GSG1L: variants seen among roughly 807,000 people sequenced by gnomAD.
GSG1L encodes the protein germ cell-specific gene 1-like protein.
In GSG1L, 24 loss-of-function variants were observed where a neutral mutation model predicts 42.1. The observed-to-expected ratio is 0.57, with a 90% CI of 0.41 to 0.80. The LOEUF is 0.80. GSG1L is among the 30% of genes least tolerant of loss of function. GSG1L has a pLI of 0.00. For synonymous variants in GSG1L, 215 were observed against 203.5 expected (o/e 1.06, Z -0.48); for missense variants, 445 against 472.2 (o/e 0.94, Z 0.53).
intron 1 of GSG1L, among the ~76,000 whole-genome samples, chr16:27,997,309 CTTTTTTTT>C (rs34188570): frequency 2.8e-5 from 2 of 70,594 alleles, no homozygotes; most frequent in South Asian, 6.6e-4. Flanking sequence ...GTGTTCTCCA[CTTTTTTTT>C]TTTTTTTTTT....
intron 5 of GSG1L, among the ~76,000 whole-genome samples, chr16:27,822,893 C>T (rs924415528): frequency 1.3e-5 from 2 of 152,080 alleles, no homozygotes; most frequent in Admixed American, 1.3e-4. Context: ...CTAAGTGGTA[C>T]AGAGAGAGGT....
intron 1 of GSG1L, among the ~76,000 whole-genome samples, chr16:28,030,062 G>A (rs1313105397): frequency 6.6e-6 from 1 of 152,210 alleles, no homozygotes; most frequent in African/African-American, 2.4e-5. Flanking sequence ...CTTCAGAAGG[G>A]AACTGCTTGT....
chr16:27,796,353 C>T (rs899522921), intron 6 of GSG1L, among the ~76,000 whole-genome samples: 2 of 147,026 alleles, frequency 1.4e-5, no homozygotes, highest in African/African-American at 5.1e-5. Flanking sequence ...CTTTGGAAAC[C>T]TGTCAGCTAG....
At chr16:28,015,070 C>T (rs573895165) in intron 1 of GSG1L, among the ~76,000 whole-genome samples, 6 of 152,326 alleles carry the variant, frequency 3.9e-5, no homozygotes, top group Admixed American at 3.3e-4. Flanking sequence ...CAGTTGGTTA[C>T]ATCTGAGCTC....
chr16:27,992,033 C>CT (rs762523799), intron 1 of GSG1L, among the ~76,000 whole-genome samples: 2 of 152,160 alleles, frequency 1.3e-5, no homozygotes, highest in Non-Finnish European at 1.5e-5. Flanking sequence ...GAAGTGAAAC[C>CT]TCCATGATAA....
intron 1 of GSG1L, among the ~76,000 whole-genome samples, chr16:28,043,419 C>G (rs147474736): frequency 6.6e-6 from 1 of 152,116 alleles, no homozygotes; most frequent in Non-Finnish European, 1.5e-5. Context: ...GACGAACTTT[C>G]TAAACTATTT....
chr16:28,027,260 A>G (rs1215019282), intron 1 of GSG1L, among the ~76,000 whole-genome samples: 1 of 152,134 alleles, frequency 6.6e-6, no homozygotes, highest in Admixed American at 6.5e-5. Flanking sequence ...AAGCCAGCCA[A>G]TCAGAGTACT....
At chr16:27,895,462 T>G (rs1242046394) in intron 2 of GSG1L, among the ~76,000 whole-genome samples, 1 of 152,188 alleles carries the variant, frequency 6.6e-6, no homozygotes, top group Non-Finnish European at 1.5e-5. Flanking sequence ...CCGTGCAACA[T>G]TTTAAGACCC....
chr16:27,920,661 G>A (rs1394567713), intron 2 of GSG1L, among the ~76,000 whole-genome samples: 2 of 152,204 alleles, frequency 1.3e-5, no homozygotes, highest in Non-Finnish European at 2.9e-5. Context: ...TGTTCATCAC[G>A]GCATGCTCCT....
intron 2 of GSG1L, among the ~76,000 whole-genome samples, chr16:27,945,239 C>T (rs1391838566): frequency 1.3e-5 from 2 of 152,112 alleles, no homozygotes; most frequent in Non-Finnish European, 2.9e-5. Flanking sequence ...CTAAAAACCA[C>T]TGAATTATAC....
intron 6 of GSG1L, among the ~76,000 whole-genome samples, chr16:27,806,709 G>A (rs1453351107): frequency 1.3e-5 from 2 of 152,218 alleles, no homozygotes; most frequent in Non-Finnish European, 2.9e-5. Context: ...CTAAAGGTCT[G>A]AGAGAGGTGG....
intron 2 of GSG1L, among the ~76,000 whole-genome samples, chr16:27,898,377 G>T: frequency 8.6e-6 from 1 of 116,938 alleles, no homozygotes; most frequent in African/African-American, 3.3e-5. Context: ...GGTCTTCTTG[G>T]GCAAGTCCTC....
At chr16:27,845,173 G>A in intron 3 of GSG1L, 112 bp from the exon 4 acceptor site, 1 of 672,976 alleles carries the variant, frequency 1.5e-6, no homozygotes, top group Non-Finnish European at 2.6e-6. Flanking sequence ...TCACTGTGGA[G>A]AACAGGGACC....
At chr16:27,946,460 G>A (rs367604446) in intron 2 of GSG1L, among the ~76,000 whole-genome samples, 12 of 151,254 alleles carry the variant, frequency 7.9e-5, no homozygotes, top group African/African-American at 1.7e-4. Context: ...CAAAAGAATC[G>A]CTTGAGCCCA....
At chr16:27,981,903 T>A (rs1484048804) in intron 1 of GSG1L, among the ~76,000 whole-genome samples, 1 of 152,228 alleles carries the variant, frequency 6.6e-6, no homozygotes, top group Non-Finnish European at 1.5e-5. Context: ...AATTCAAGTC[T>A]CAGCTCTGCC....
chr16:28,033,081 C>A (rs1373680092), intron 1 of GSG1L, among the ~76,000 whole-genome samples: 1 of 152,228 alleles, frequency 6.6e-6, no homozygotes, highest in Non-Finnish European at 1.5e-5. Context: ...CCCTCTCTAG[C>A]AATCTGACCT....
At chr16:27,857,908 G>C (rs1397758039) in intron 3 of GSG1L, among the ~76,000 whole-genome samples, 2 of 151,844 alleles carry the variant, frequency 1.3e-5, no homozygotes, top group Admixed American at 6.6e-5. Flanking sequence ...GGCCCTGATC[G>C]GCAGAGACAC....
At chr16:27,939,206 C>T (rs535524942) in intron 2 of GSG1L, among the ~76,000 whole-genome samples, 13 of 152,190 alleles carry the variant, frequency 8.5e-5, no homozygotes, top group South Asian at 2.1e-4. Context: ...ACTACAGCCA[C>T]GACCTCCTGA....
At chr16:27,939,298 C>T (rs1480035217) in intron 2 of GSG1L, among the ~76,000 whole-genome samples, 1 of 151,992 alleles carries the variant, frequency 6.6e-6, no homozygotes, top group Non-Finnish European at 1.5e-5. Context: ...TTTTAAAATA[C>T]ATTATTTTGT....
Sources: allele counts gnomAD v4.1 joint callset (sites outside exome capture counted in the v4.1 genomes callset), GRCh38; gene constraint gnomAD v4.1.1; transcripts MANE v1.5; gene names NCBI Gene and HGNC (gene_info 2026-07-23, HGNC 2026-07-21).